Variants in CNNM1 observed in about 807,000 individuals in gnomAD.
CNNM1 encodes cyclin and CBS domain divalent metal cation transport mediator 1.
Under a neutral mutation model 78.8 loss-of-function variants are expected in CNNM1, and 44 were observed. That is an observed-to-expected ratio of 0.56 (90% CI 0.44 to 0.72). The LOEUF (loss-of-function observed/expected upper bound fraction) is 0.72, where lower values mean the gene tolerates loss of function less well. CNNM1 is among the 30% of genes least tolerant of loss of function. The pLI is 0.00. For synonymous variants in CNNM1, 584 were observed against 581.5 expected (o/e 1.00, Z -0.06); for missense variants, 1,101 against 1,292.2 (o/e 0.85, Z 2.27).
At chr10:99,382,137 C>A (rs1270315887) in intron 7 of CNNM1, among the ~76,000 whole-genome samples, 2 of 152,130 alleles carry the variant, frequency 1.3e-5, no homozygotes, top group Non-Finnish European at 2.9e-5. Flanking sequence ...CTTTTTATAT[C>A]CAACAGACTG....
chr10:99,336,141 A>T (rs984291962), intron 1 of CNNM1, among the ~76,000 whole-genome samples: 1 of 152,220 alleles, frequency 6.6e-6, no homozygotes, highest in Non-Finnish European at 1.5e-5. Context: ...GATGGACTGC[A>T]TGTATGATGG....
At chr10:99,373,462 G>C (rs1251435106) in intron 6 of CNNM1, among the ~76,000 whole-genome samples, 2 of 152,202 alleles carry the variant, frequency 1.3e-5, no homozygotes, top group Non-Finnish European at 2.9e-5. Context: ...CCGCTTTTCT[G>C]CAACAACTAG....
At chr10:99,352,885 A>C (rs1589895741) in intron 1 of CNNM1, among the ~76,000 whole-genome samples, 1 of 149,502 alleles carries the variant, frequency 6.7e-6, no homozygotes, top group East Asian at 2.0e-4. Flanking sequence ...TTTTAATTTG[A>C]TTGTGTTTTG....
intron 1 of CNNM1, among the ~76,000 whole-genome samples, chr10:99,346,440 T>TC (rs2030699600): frequency 6.6e-6 from 1 of 152,200 alleles, no homozygotes; most frequent in Non-Finnish European, 1.5e-5. Context: ...TGCCTACCCA[T>TC]AGCAGATGCT....
chr10:99,368,691 A>G (rs1240002865), intron 6 of CNNM1: 2 of 1,288,834 alleles, frequency 1.6e-6, no homozygotes, highest in Admixed American at 2.3e-5. Context: ...GTAAACATGC[A>G]TGGGTGTCTC....
rs745677726 is a variant in CNNM1, at chr10:99,390,409, T to G, written c.2776+2T>G. The G allele has an allele frequency of 2.5e-6, 4 of 1,606,950 alleles. No individual in the cohort carries two copies. The highest frequency in any genetic ancestry group is 3.4e-6 in the Non-Finnish European group (4 of 1,175,472). ...GCAAGAAGCTGCTGAGAACCTTGAG[T>G]GAGTAGCTAGTTCTTCACCCAAATG... is the stretch of plus-strand genomic sequence containing the variant. On this transcript the variant is annotated splice_donor_variant, in intron 10 of 10. Coordinates refer to ENST00000356713, the MANE Select transcript of CNNM1 (RefSeq NM_020348.3). LOFTEE classifies it high-confidence loss of function.
intron 1 of CNNM1, among the ~76,000 whole-genome samples, chr10:99,349,057 G>A (rs1188373980): frequency 6.6e-6 from 1 of 152,190 alleles, no homozygotes. Context: ...GCAACAGAGT[G>A]AGGCCCTGTC....
chr10:99,383,704 A>C (rs1451283620), intron 7 of CNNM1, among the ~76,000 whole-genome samples: 2 of 152,168 alleles, frequency 1.3e-5, no homozygotes, highest in African/African-American at 4.8e-5. Flanking sequence ...CATTCGAGGG[A>C]CTGGGTAGAG....
intron 7 of CNNM1, among the ~76,000 whole-genome samples, chr10:99,378,757 G>A (rs931391345): frequency 2.6e-5 from 4 of 152,168 alleles, no homozygotes; most frequent in African/African-American, 7.2e-5. Context: ...CAGGTTTGAG[G>A]AGTATAGGGT....
intron 1 of CNNM1, among the ~76,000 whole-genome samples, chr10:99,336,103 C>G (rs2030171618): frequency 6.6e-6 from 1 of 152,166 alleles, no homozygotes; most frequent in African/African-American, 2.4e-5. Flanking sequence ...ATATTGCATC[C>G]AACTGCAGTC....
chr10:99,380,054 C>A (rs1193068948), intron 7 of CNNM1, among the ~76,000 whole-genome samples: 1 of 140,564 alleles, frequency 7.1e-6, no homozygotes, highest in African/African-American at 2.7e-5. Flanking sequence ...GACAGGGTCT[C>A]ACTGGGTTGA....
chr10:99,382,416 A>C (rs1390236839), intron 7 of CNNM1, among the ~76,000 whole-genome samples: 1 of 152,188 alleles, frequency 6.6e-6, no homozygotes. Flanking sequence ...CCTAGATTGC[A>C]GCATTGTGTC....
At chr10:99,341,136 G>A in intron 1 of CNNM1, among the ~76,000 whole-genome samples, 1 of 152,190 alleles carries the variant, frequency 6.6e-6, no homozygotes, top group Admixed American at 6.5e-5. Flanking sequence ...CCCTTGCCAA[G>A]TGGTATTTGA....
intron 1 of CNNM1, among the ~76,000 whole-genome samples, chr10:99,333,897 G>A (rs79849908): frequency 0.043 from 6,487 of 152,226 alleles, 290 homozygotes; most frequent in East Asian, 0.16. Context: ...CTCCTTTAGT[G>A]TTCTATTAAT....
intron 2 of CNNM1, among the ~76,000 whole-genome samples, chr10:99,358,705 G>A (rs1232448139): frequency 2.0e-5 from 3 of 152,222 alleles, no homozygotes; most frequent in South Asian, 2.1e-4. Flanking sequence ...GTGCTTGCCC[G>A]GACCAGGCGT....
intron 1 of CNNM1, among the ~76,000 whole-genome samples, chr10:99,331,541 C>T (rs2029909546): frequency 3.3e-5 from 5 of 152,194 alleles, no homozygotes; most frequent in Admixed American, 3.3e-4. Flanking sequence ...TACTTAATTT[C>T]CCATCAGGTA....
At chr10:99,384,903 T>C (rs551851660) in intron 7 of CNNM1, among the ~76,000 whole-genome samples, 1 of 152,102 alleles carries the variant, frequency 6.6e-6, no homozygotes, top group East Asian at 1.9e-4. Flanking sequence ...CCCGTATCTA[T>C]TAAAAATACA....
intron 2 of CNNM1, among the ~76,000 whole-genome samples, chr10:99,359,923 C>CAAAAAA (rs71009748): frequency 8.7e-6 from 1 of 115,360 alleles, no homozygotes; most frequent in African/African-American, 3.5e-5. Context: ...TTTCCTCTAC[C>CAAAAAA]AAAAAAAAAA....
chr10:99,344,332 A>C (rs77374034), intron 1 of CNNM1, among the ~76,000 whole-genome samples: 2 of 137,136 alleles, frequency 1.5e-5, no homozygotes, highest in African/African-American at 6.1e-5. Context: ...ACTCCGTCTC[A>C]AAAAAAAAAA....
Sources: allele counts gnomAD v4.1 joint callset (sites outside exome capture counted in the v4.1 genomes callset), GRCh38; gene constraint gnomAD v4.1.1; transcripts MANE v1.5; gene names NCBI Gene and HGNC (gene_info 2026-07-23, HGNC 2026-07-21).